The following ARHGEF9 variants were observed in gnomAD, a reference collection of about 807,000 sequenced individuals.
ARHGEF9 encodes the protein rho guanine nucleotide exchange factor 9.
A neutral mutation model predicts 41.3 loss-of-function variants in ARHGEF9; 2 were observed. The ratio of observed to expected loss-of-function variants is 0.05; its 90% CI spans 0.02 to 0.15. ARHGEF9 has a LOEUF of 0.15. ARHGEF9 is among the 10% of genes least tolerant of loss of function. The probability of loss-of-function intolerance (pLI) is 1.00; values close to 1 mark genes in which losing one functional copy is unlikely to be tolerated. For missense variants in ARHGEF9, 225 were observed against 424.7 expected (o/e 0.53, Z 4.13); for synonymous variants, 160 against 154.4 (o/e 1.04, Z -0.27).
chrX:63,724,805 CAT>C, intron 1 of ARHGEF9, 94 bp from the exon 2 acceptor site: 1 of 899,852 alleles, frequency 1.1e-6, no homozygotes, highest in African/African-American at 1.9e-5. Flanking sequence ...CAGAGAAACT[CAT>C]ATACTCAAGT....
chrX:63,728,897 G>A (rs2054128853), intron 1 of ARHGEF9, among the ~76,000 whole-genome samples: 1 of 111,645 alleles, frequency 9.0e-6, no homozygotes, highest in Admixed American at 9.5e-5. Flanking sequence ...ATGAGATTAA[G>A]CCAAGTCTCA....
intron 1 of ARHGEF9, among the ~76,000 whole-genome samples, chrX:63,757,223 C>A (rs782175474): frequency 8.1e-5 from 9 of 111,352 alleles, no homozygotes; most frequent in Non-Finnish European, 1.7e-4. Flanking sequence ...CTTGAACTAC[C>A]ATCTACATTG....
intron 1 of ARHGEF9, chrX:63,767,181 C>T: frequency 1.4e-6 from 1 of 734,583 alleles, no homozygotes; most frequent in Non-Finnish European, 2.1e-6. Context: ...CTTAAACCAG[C>T]TTGGTGCAGT....
chrX:63,720,882 T>C (rs1417547570), intron 2 of ARHGEF9, among the ~76,000 whole-genome samples: 1 of 112,318 alleles, frequency 8.9e-6, no homozygotes, highest in Non-Finnish European at 1.9e-5. Context: ...AATTCCCGGC[T>C]TTTCTTGAAA....
chrX:63,734,113 G>A (rs1193353089), intron 1 of ARHGEF9, among the ~76,000 whole-genome samples: 4 of 112,072 alleles, frequency 3.6e-5, no homozygotes, highest in Non-Finnish European at 7.5e-5. Context: ...CAGCCAAATG[G>A]GCCCAGGAGT....
At chrX:63,735,598 G>C (rs1414643222) in intron 1 of ARHGEF9, among the ~76,000 whole-genome samples, 1 of 111,954 alleles carries the variant, frequency 8.9e-6, no homozygotes, top group Non-Finnish European at 1.9e-5. Context: ...CGTTAAATGT[G>C]ACCATCTGGT....
chrX:63,771,175 G>C (rs2056198848), intron 1 of ARHGEF9, among the ~76,000 whole-genome samples: 1 of 111,853 alleles, frequency 8.9e-6, no homozygotes, highest in South Asian at 3.8e-4. Context: ...TATATCTTGT[G>C]AAGGTACTTT....
intron 2 of ARHGEF9, chrX:63,712,911 G>A (rs1200340560): frequency 9.0e-6 from 1 of 111,059 alleles, no homozygotes; most frequent in African/African-American, 3.3e-5. Flanking sequence ...ACTCACCATT[G>A]TTCCATATGA....
intron 8 of ARHGEF9, among the ~76,000 whole-genome samples, chrX:63,645,458 T>C (rs1251611614): frequency 3.6e-5 from 4 of 111,258 alleles, no homozygotes; most frequent in Non-Finnish European, 7.5e-5. Context: ...AATTCCTACC[T>C]ATGAGCGAGA....
At chrX:63,697,339 C>G in intron 3 of ARHGEF9, 35 bp from the exon 4 acceptor site, 3 of 1,185,359 alleles carry the variant, frequency 2.5e-6, no homozygotes, top group Non-Finnish European at 1.1e-6. Flanking sequence ...CTGAGGAAGT[C>G]CCTGACTTCC....
At chrX:63,682,603 T>C (rs2050729965) in intron 4 of ARHGEF9, among the ~76,000 whole-genome samples, 1 of 111,553 alleles carries the variant, frequency 9.0e-6, no homozygotes, top group Non-Finnish European at 1.9e-5. Context: ...GCTAACCCAA[T>C]TCAGTAACAT....
At chrX:63,778,609 C>T (rs1484447676) in intron 1 of ARHGEF9, among the ~76,000 whole-genome samples, 1 of 112,343 alleles carries the variant, frequency 8.9e-6, no homozygotes, top group Non-Finnish European at 1.9e-5. Flanking sequence ...CCCTTTTCAA[C>T]ATAAGTTCTA....
intron 1 of ARHGEF9, among the ~76,000 whole-genome samples, chrX:63,731,164 C>T (rs2054257098): frequency 2.7e-5 from 3 of 112,014 alleles, no homozygotes; most frequent in East Asian, 2.8e-4. Flanking sequence ...AAAGGAGGGA[C>T]ATGACAGGGG....
chrX:63,730,168 A>G (rs1198211753), intron 1 of ARHGEF9, among the ~76,000 whole-genome samples: 2 of 111,985 alleles, frequency 1.8e-5, no homozygotes, highest in Non-Finnish European at 3.8e-5. Context: ...TGGGAAAGAC[A>G]GAAGGAAAGT....
intron 3 of ARHGEF9, among the ~76,000 whole-genome samples, chrX:63,699,176 A>G (rs1161832141): frequency 8.9e-6 from 1 of 111,760 alleles, no homozygotes; most frequent in Non-Finnish European, 1.9e-5. Context: ...TCAACATTAA[A>G]TGGGAGTGAA....
chrX:63,764,234 T>A (rs1411078909), intron 1 of ARHGEF9, among the ~76,000 whole-genome samples: 1 of 112,571 alleles, frequency 8.9e-6, no homozygotes, highest in Non-Finnish European at 1.9e-5. Context: ...ACAATACTGA[T>A]CATTACAGAA....
At chrX:63,780,698 T>C (rs782250631) in intron 1 of ARHGEF9, among the ~76,000 whole-genome samples, 2 of 112,232 alleles carry the variant, frequency 1.8e-5, no homozygotes, top group African/African-American at 6.5e-5. Flanking sequence ...TAATAATATA[T>C]ATGAAGCTTG....
intron 8 of ARHGEF9, among the ~76,000 whole-genome samples, chrX:63,650,736 G>A (rs2048489418): frequency 1.8e-5 from 2 of 110,223 alleles, no homozygotes; most frequent in Admixed American, 9.8e-5. Flanking sequence ...ATTGTATACA[G>A]GTATCAAAAT....
At chrX:63,693,975 G>C (rs1258535934) in intron 4 of ARHGEF9, among the ~76,000 whole-genome samples, 1 of 110,829 alleles carries the variant, frequency 9.0e-6, no homozygotes, top group African/African-American at 3.3e-5. Context: ...TTGAGGTAAG[G>C]AGTTTGAGAC....
Sources: gnomAD v4.1 joint callset for allele counts (sites outside exome capture counted in the v4.1 genomes callset) on GRCh38, gnomAD v4.1.1 for gene constraint, MANE v1.5 for transcripts, NCBI Gene and HGNC (gene_info 2026-07-23, HGNC 2026-07-21) for gene names.